TNIK: variants seen among roughly 807,000 people sequenced by gnomAD.
The protein encoded by TNIK is TRAF2 and NCK-interacting protein kinase.
TNIK carries 49 observed loss-of-function variants against 191.3 expected under a neutral mutation model. The ratio of observed to expected loss-of-function variants is 0.26; its 90% CI spans 0.20 to 0.32. TNIK has a LOEUF of 0.32. TNIK is among the 10% of genes least tolerant of loss of function. TNIK has a pLI of 1.00. For missense variants in TNIK, 1,155 were observed against 1,702.3 expected, an observed-to-expected ratio of 0.68 and a Z score of 5.66; for synonymous variants, 594 against 600.9, an observed-to-expected ratio of 0.99 and a Z score of 0.17.
intron 2 of TNIK, among the ~76,000 whole-genome samples, chr3:171,307,069 T>C (rs555760332): frequency 6.6e-6 from 1 of 152,212 alleles, no homozygotes; most frequent in South Asian, 2.1e-4. Flanking sequence ...AGGTTGATAG[T>C]AAAAAGGTAG....
Position 171,282,334 on chromosome 3 carries a change from G to GTTTTTTTTTTTTTTTTTTTTT in TNIK, c.124-54114_124-54113insAAAAAAAAAAAAAAAAAAAAA. Among the ~76,000 whole-genome samples, 260 of 114,442 alleles carry GTTTTTTTTTTTTTTTTTTTTT rather than the reference G, an allele frequency of 2.3e-3. 25 individuals carry two copies. Among genetic ancestry groups the GTTTTTTTTTTTTTTTTTTTTT allele is most frequent in the Non-Finnish European group, 2.9e-3 (165 of 56,024 alleles). 75.1% of individuals were successfully genotyped at this position (114,442 alleles called of 152,430 possible). ...GAACTATCTGCAGATTCTCTTAATG[G>GTTTTTTTTTTTTTTTTTTTTT]TTTTTTGTTTTTTTTTTTTTTTTTG... is the stretch of plus-strand genomic sequence containing the variant. On this transcript the variant is annotated intron_variant, in intron 2 of 32. Transcript: ENST00000436636.
chr3:171,101,694 A>G, intron 21 of TNIK, 61 bp from the exon 22 acceptor site: 1 of 1,544,380 alleles, frequency 6.5e-7, no homozygotes. Context: ...TACATCTCTC[A>G]GCAAGTCAGT....
At chr3:171,403,916 T>G (rs1721314555) in intron 1 of TNIK, among the ~76,000 whole-genome samples, 1 of 152,248 alleles carries the variant, frequency 6.6e-6, no homozygotes, top group African/African-American at 2.4e-5. Flanking sequence ...CAGCATCAAC[T>G]GCTGACCCAC....
At chr3:171,081,863 A>G (rs572806682) in intron 27 of TNIK, among the ~76,000 whole-genome samples, 1 of 152,128 alleles carries the variant, frequency 6.6e-6, no homozygotes, top group Non-Finnish European at 1.5e-5. Context: ...TTGAGGGAAG[A>G]GACCAAGAAA....
Position 171,431,396 on chromosome 3 carries a change from T to C in TNIK, c.57+28611A>G, listed in dbSNP as rs559421145. On this transcript the variant is annotated intron_variant, in intron 1 of 32. Transcript: ENST00000436636. ...TTCCATACAAGTACATTCTTTTTAA[T>C]ATAATTTTCTAATAAACAGAAATAC... 7.9e-5 allele frequency among the ~76,000 whole-genome samples: 12 copies of C among 152,234 alleles called. No homozygotes were observed. The South Asian group carries it at 2.1e-3, about 26-fold the overall frequency.
intron 2 of TNIK, among the ~76,000 whole-genome samples, chr3:171,363,519 G>T (rs539406942): frequency 6.6e-6 from 1 of 152,006 alleles, no homozygotes; most frequent in Non-Finnish European, 1.5e-5. Flanking sequence ...AAAAACAAAC[G>T]CCACTATTAT....
intron 27 of TNIK, among the ~76,000 whole-genome samples, chr3:171,080,388 A>G (rs946810721): frequency 3.9e-5 from 6 of 151,918 alleles, no homozygotes; most frequent in Admixed American, 1.3e-4. Context: ...TATTTTTTGG[A>G]TACTTATTTT....
chr3:171,112,242 G>T (rs957684629), intron 18 of TNIK, among the ~76,000 whole-genome samples: 2 of 152,088 alleles, frequency 1.3e-5, no homozygotes, highest in African/African-American at 2.4e-5. Flanking sequence ...CTTGCCATTG[G>T]TAGACACAAG....
intron 2 of TNIK, among the ~76,000 whole-genome samples, chr3:171,303,943 A>G (rs1043662617): frequency 2.0e-5 from 3 of 149,810 alleles, no homozygotes; most frequent in African/African-American, 7.3e-5. Context: ...TGTAGACTGG[A>G]TATGTGCAGA....
intron 16 of TNIK, 108 bp from the exon 17 acceptor site, chr3:171,126,259 T>C (rs1728465845): frequency 1.5e-6 from 2 of 1,368,930 alleles, no homozygotes; most frequent in African/African-American, 1.5e-5. Context: ...GGCACAAAAA[T>C]TGGACTATAG....
intron 1 of TNIK, among the ~76,000 whole-genome samples, chr3:171,455,348 A>G (rs1438214206): frequency 6.6e-6 from 1 of 150,682 alleles, no homozygotes; most frequent in African/African-American, 2.4e-5. Flanking sequence ...GGCTCAAACT[A>G]TCTTCCCACC....
chr3:171,110,677 G>C, intron 19 of TNIK, 37 bp downstream of exon 19: 1 of 1,542,022 alleles, frequency 6.5e-7, no homozygotes, highest in Non-Finnish European at 8.8e-7. Context: ...TTTCCTCCCA[G>C]GCAGTATTGC....
chr3:171,266,657 A>G (rs910023447), intron 2 of TNIK, among the ~76,000 whole-genome samples: 1 of 152,218 alleles, frequency 6.6e-6, no homozygotes, highest in African/African-American at 2.4e-5. Context: ...CTTCCATGGG[A>G]AAACCTGAGC....
chr3:171,104,866 A>G (rs1724461559), intron 21 of TNIK, among the ~76,000 whole-genome samples: 1 of 151,986 alleles, frequency 6.6e-6, no homozygotes, highest in African/African-American at 2.4e-5. Context: ...ATGTGCTTTG[A>G]AATTTTTGAT....
At chr3:171,317,637 T>C (rs1754781115) in intron 2 of TNIK, among the ~76,000 whole-genome samples, 1 of 152,160 alleles carries the variant, frequency 6.6e-6, no homozygotes, top group South Asian at 2.1e-4. Context: ...AGAATGAAGA[T>C]GACAAGAAAG....
chr3:171,155,297 G>A (rs1733021187), intron 12 of TNIK, among the ~76,000 whole-genome samples: 1 of 152,198 alleles, frequency 6.6e-6, no homozygotes, highest in Non-Finnish European at 1.5e-5. Context: ...CAGCAGAAGA[G>A]TTCCTGGTGG....
intron 15 of TNIK, among the ~76,000 whole-genome samples, chr3:171,134,606 G>A (rs186442957): frequency 6.6e-6 from 1 of 152,268 alleles, no homozygotes; most frequent in African/African-American, 2.4e-5. Flanking sequence ...TTTTAATGCA[G>A]AGACATTCAT....
intron 2 of TNIK, among the ~76,000 whole-genome samples, chr3:171,241,573 A>T (rs1357978086): frequency 2.0e-5 from 3 of 152,182 alleles, no homozygotes; most frequent in African/African-American, 7.2e-5. Context: ...ATCAGAATAT[A>T]TTTTCCACCT....
At chr3:171,136,479 T>A (rs1729987858) in intron 15 of TNIK, among the ~76,000 whole-genome samples, 1 of 152,148 alleles carries the variant, frequency 6.6e-6, no homozygotes. Flanking sequence ...GCCTTGGAGA[T>A]CTCACTATGG....
Sources: allele counts gnomAD v4.1 joint callset (sites outside exome capture counted in the v4.1 genomes callset), GRCh38; gene constraint gnomAD v4.1.1; transcripts MANE v1.5; gene names NCBI Gene and HGNC (gene_info 2026-07-23, HGNC 2026-07-21).